ADARB1: variants seen among roughly 807,000 people sequenced by gnomAD.
ADARB1 encodes double-stranded RNA-specific editase 1.
Under a neutral mutation model 52.4 loss-of-function variants are expected in ADARB1, and 10 were observed. That is an observed-to-expected ratio of 0.19 (90% CI 0.12 to 0.32). The LOEUF (loss-of-function observed/expected upper bound fraction) is 0.32. ADARB1 is among the 10% of genes least tolerant of loss of function. The probability of loss-of-function intolerance (pLI) is 1.00; values close to 1 mark genes in which losing one functional copy is unlikely to be tolerated. For synonymous variants in ADARB1, 349 were observed against 371.1 expected (o/e 0.94, Z 0.68); for missense variants, 643 against 922.3 (o/e 0.70, Z 3.92).
chr21:45,212,906 T>C (rs1267517649), intron 9 of ADARB1, among the ~76,000 whole-genome samples: 1 of 152,210 alleles, frequency 6.6e-6, no homozygotes, highest in African/African-American at 2.4e-5. Context: ...TAGTATGTTA[T>C]TTAGTAAGTG....
chr21:45,130,865 G>T (rs904502806), intron 2 of ADARB1, among the ~76,000 whole-genome samples: 2 of 152,088 alleles, frequency 1.3e-5, no homozygotes, highest in African/African-American at 4.8e-5. Flanking sequence ...GGAACATCTT[G>T]GGGGGATACA....
In ADARB1 at chr21:45,200,846, C is replaced by T. The variant is rs1409034128; in HGVS notation, c.1566-3709C>T. Among the ~76,000 whole-genome samples, 2 of 152,152 alleles carry T rather than the reference C, an allele frequency of 1.3e-5. No homozygotes were observed. The highest frequency in any genetic ancestry group is 3.8e-4 in the East Asian group (2 of 5,198). On this transcript the variant is annotated intron_variant, in intron 8 of 10. Transcript: ENST00000348831. The surrounding 1 kb of genome is among the most constrained non-coding windows in gnomAD (Gnocchi z 5.0). The stretch of plus-strand genomic sequence containing the variant: ...GTTCTCCTGCCCTGTGTGGTCTGGC[C>T]GACGTCTGTCTGCAGCTCAGTCTCT...
chr21:45,093,640 G>A (rs973756108), intron 1 of ADARB1, among the ~76,000 whole-genome samples: 2 of 152,174 alleles, frequency 1.3e-5, no homozygotes, highest in Non-Finnish European at 2.9e-5. Flanking sequence ...CTGTGTGCCC[G>A]GAGGAGGCAT....
chr21:45,087,734 G>C (rs1296816663), intron 1 of ADARB1, among the ~76,000 whole-genome samples: 1 of 152,134 alleles, frequency 6.6e-6, no homozygotes, highest in Non-Finnish European at 1.5e-5. Context: ...CAGGATGTGG[G>C]GGACCCAAAA....
In ADARB1 at chr21:45,225,473, C is replaced by G; in HGVS notation, c.*3276C>G. The G allele has an allele frequency of 1.5e-6, 2 of 1,311,470 alleles. No homozygotes were observed. Among genetic ancestry groups the G allele is most frequent in the Non-Finnish European group, 2.0e-6 (2 of 1,021,624 alleles). The allele number at this position is 1,311,470 out of a possible 1,614,324, so 81.2% of individuals were successfully genotyped here. ...GTGGAATTTATTTTTATTCAAATAA[C>G]CATATTTATCTCCAGGCTGTGGAAT... On this transcript the variant is annotated 3_prime_UTR_variant, in exon 11 of 11. Coordinates refer to ENST00000348831, the MANE Select transcript of ADARB1 (RefSeq NM_001112.4).
chr21:45,130,636 G>A (rs140434565), intron 2 of ADARB1, among the ~76,000 whole-genome samples: 3 of 152,252 alleles, frequency 2.0e-5, no homozygotes, highest in African/African-American at 4.8e-5. Flanking sequence ...TTGGAAGCAC[G>A]GCCGTCCTCA....
chr21:45,216,922 A>G (rs910440560), intron 9 of ADARB1, among the ~76,000 whole-genome samples: 1 of 151,904 alleles, frequency 6.6e-6, no homozygotes, highest in African/African-American at 2.4e-5. Flanking sequence ...GGTTTATCTT[A>G]ATAAACCGAC....
At chr21:45,102,369 G>A (rs748046335) in intron 1 of ADARB1, among the ~76,000 whole-genome samples, 2 of 152,224 alleles carry the variant, frequency 1.3e-5, no homozygotes, top group Non-Finnish European at 2.9e-5. Flanking sequence ...TTGTCAGAAA[G>A]AAGGGGATGG....
rs2091995112 is a variant in ADARB1, at chr21:45,183,417, A to G, written c.1303A>G (p.Arg435Gly). 1 of 1,610,994 alleles carries G rather than the reference A, an allele frequency of 6.2e-7. No homozygotes were observed. Among genetic ancestry groups the G allele is most frequent in the African/African-American group, 1.3e-5 (1 of 74,790 alleles). Residue 435 changes from arginine to glycine, a missense_variant, in exon 7 of 11, where the codon AGG (arginine) becomes GGG (glycine). Coordinates refer to ENST00000348831, the MANE Select transcript of ADARB1 (RefSeq NM_001112.4). ...TCAGAAATCAGAGCGAGGGGGGTTT[A>G]GGCTGAAGGAGAATGTCCAGTTTCA... is the stretch of plus-strand genomic sequence containing the variant. Reference protein sequence around the residue: ...IFQKSERGGFRLKENVQFHLY... With the variant: ...IFQKSERGGFGLKENVQFHLY...
intron 3 of ADARB1, among the ~76,000 whole-genome samples, chr21:45,174,682 AATACATACATACATAC>A (rs59024130): frequency 2.0e-4 from 30 of 148,832 alleles, no homozygotes; most frequent in African/African-American, 4.0e-4. Context: ...CAGTCTCAAA[AATACATACATACATAC>A]ATACATACAT....
At chr21:45,216,547 C>G (rs907278319) in intron 9 of ADARB1, among the ~76,000 whole-genome samples, 6 of 151,998 alleles carry the variant, frequency 3.9e-5, no homozygotes, top group Non-Finnish European at 7.4e-5. Context: ...TTACAGAGAT[C>G]TTTCTGTTGT....
At chr21:45,152,534 C>T (rs1358353846) in intron 2 of ADARB1, 8 of 277,618 alleles carry the variant, frequency 2.9e-5, no homozygotes, top group Non-Finnish European at 5.4e-5. Context: ...GGAAGTGAGT[C>T]GGTGTGCTGC....
intron 9 of ADARB1, among the ~76,000 whole-genome samples, chr21:45,216,969 GGTAATA>G (rs1473057415): frequency 3.3e-5 from 5 of 151,560 alleles, no homozygotes; most frequent in African/African-American, 1.2e-4. Flanking sequence ...CTTTATTTCT[GGTAATA>G]GTGTTTGTTC....
chr21:45,140,746 A>G (rs547140524), intron 2 of ADARB1, among the ~76,000 whole-genome samples: 1 of 152,276 alleles, frequency 6.6e-6, no homozygotes, highest in South Asian at 2.1e-4. Flanking sequence ...AAGCAATGAG[A>G]TGGAATACTT....
chr21:45,155,590 C>T (rs549306891), intron 2 of ADARB1, among the ~76,000 whole-genome samples: 11 of 151,798 alleles, frequency 7.2e-5, no homozygotes, highest in Non-Finnish European at 1.2e-4. Context: ...CATCCATCAT[C>T]CATCCACTCA....
chr21:45,216,968 T>C (rs2092875629), intron 9 of ADARB1, among the ~76,000 whole-genome samples: 1 of 152,062 alleles, frequency 6.6e-6, no homozygotes, highest in South Asian at 2.1e-4. Flanking sequence ...TCTTTATTTC[T>C]GGTAATAGTG....
chr21:45,167,139 T>C (rs1184958022), intron 2 of ADARB1, among the ~76,000 whole-genome samples: 2 of 152,246 alleles, frequency 1.3e-5, no homozygotes, highest in Non-Finnish European at 2.9e-5. Flanking sequence ...CCATTCTTAA[T>C]GTGGGCGGTA....
chr21:45,076,940 A>AT (rs1483929549), intron 1 of ADARB1, among the ~76,000 whole-genome samples: 1 of 152,226 alleles, frequency 6.6e-6, no homozygotes, highest in Admixed American at 6.5e-5. Context: ...GTATTGATAG[A>AT]TTTAAAAAGA....
intron 2 of ADARB1, chr21:45,144,866 C>A: frequency 5.2e-6 from 1 of 193,088 alleles, no homozygotes; most frequent in Non-Finnish European, 1.1e-5. Context: ...TTCAAGAAAC[C>A]AAAAATATGC....
Sources: allele counts gnomAD v4.1 joint callset (sites outside exome capture counted in the v4.1 genomes callset), GRCh38; gene constraint gnomAD v4.1.1; non-coding constraint Gnocchi (gnomAD v3.1); transcripts MANE v1.5; gene names NCBI Gene and HGNC (gene_info 2026-07-23, HGNC 2026-07-21).